Variants in LRMDA observed in about 807,000 individuals in gnomAD.
The protein encoded by LRMDA is leucine-rich melanocyte differentiation-associated protein.
Under a neutral mutation model 29.8 loss-of-function variants are expected in LRMDA, and 18 were observed. The ratio of observed to expected loss-of-function variants is 0.60; its 90% confidence interval spans 0.42 to 0.90. The LOEUF is 0.90. Among genes scored for constraint, LRMDA ranks in the 40% least tolerant of loss-of-function variants. LRMDA has a pLI of 0.00. For synonymous variants in LRMDA, 125 were observed against 109.4 expected (o/e 1.14, Z -0.89); for missense variants, 273 against 273.9 (o/e 1.00, Z 0.02).
intron 2 of LRMDA, among the ~76,000 whole-genome samples, chr10:75,698,755 A>T (rs1247056600): frequency 1.3e-5 from 2 of 152,088 alleles, no homozygotes; most frequent in African/African-American, 2.4e-5. Flanking sequence ...TTTTTTAAAA[A>T]CCCTCAAAAA....
intron 2 of LRMDA, among the ~76,000 whole-genome samples, chr10:76,028,623 A>C (rs1398252135): frequency 6.6e-6 from 1 of 152,084 alleles, no homozygotes; most frequent in East Asian, 1.9e-4. Context: ...CTGGCAAAAA[A>C]CAAAAACAAC....
chr10:76,199,355 G>C lies in LRMDA; in HGVS notation c.517-125046G>C, dbSNP rs1209252402. On this transcript the variant is annotated intron_variant, in intron 5 of 6. Transcript: ENST00000611255. ...TTTAAGGGCACAGGCTCTAGAGTTAGGCAACCTAGAGGAATTCCCGTTTCC... is the reference window on the plus strand; with the variant it reads ...TTTAAGGGCACAGGCTCTAGAGTTACGCAACCTAGAGGAATTCCCGTTTCC... 2.6e-5 allele frequency among the ~76,000 whole-genome samples: 4 copies of C among 152,282 alleles called. No homozygotes were observed. The East Asian group carries it at 7.7e-4, about 29-fold the overall frequency.
At chr10:76,307,381 T>C (rs1840570646) in intron 5 of LRMDA, among the ~76,000 whole-genome samples, 1 of 152,122 alleles carries the variant, frequency 6.6e-6, no homozygotes, top group South Asian at 2.1e-4. Flanking sequence ...ATGAGATGTT[T>C]TGAATGTCTG....
intron 2 of LRMDA, among the ~76,000 whole-genome samples, chr10:75,697,850 T>TGTGTGTGTGCGCGC (rs10664076): frequency 2.2e-4 from 34 of 151,704 alleles, no homozygotes; most frequent in African/African-American, 3.9e-4. Context: ...TGTGTGTGTG[T>TGTGTGTGTGCGCGC]GCGTGTGTGT....
intron 2 of LRMDA, among the ~76,000 whole-genome samples, chr10:75,766,367 C>T (rs1055676186): frequency 2.6e-5 from 4 of 152,102 alleles, no homozygotes; most frequent in Admixed American, 6.5e-5. Flanking sequence ...GTGCTTGGTA[C>T]ATAATACATG....
intron 5 of LRMDA, among the ~76,000 whole-genome samples, chr10:76,307,335 A>G (rs1158275860): frequency 6.6e-6 from 1 of 152,158 alleles, no homozygotes; most frequent in African/African-American, 2.4e-5. Flanking sequence ...GGATTGAGCC[A>G]CTGCATAATG....
intron 2 of LRMDA, among the ~76,000 whole-genome samples, chr10:75,879,061 A>G (rs1159035370): frequency 4.6e-5 from 7 of 152,210 alleles, no homozygotes; most frequent in Admixed American, 4.6e-4. Flanking sequence ...TCTGTTCCCC[A>G]GGTGACTCTG....
At chr10:75,776,996 C>T (rs1313375327) in intron 2 of LRMDA, among the ~76,000 whole-genome samples, 1 of 152,232 alleles carries the variant, frequency 6.6e-6, no homozygotes, top group Non-Finnish European at 1.5e-5. Flanking sequence ...GGGGCATTGC[C>T]CATGAGGGCT....
At chr10:75,602,973 G>T (rs937066451) in intron 2 of LRMDA, among the ~76,000 whole-genome samples, 1 of 152,202 alleles carries the variant, frequency 6.6e-6, no homozygotes, top group East Asian at 1.9e-4. Flanking sequence ...GGCTTTGATT[G>T]CTTCATAAAT....
At chr10:76,256,607 A>G (rs1852597992) in intron 5 of LRMDA, among the ~76,000 whole-genome samples, 1 of 152,194 alleles carries the variant, frequency 6.6e-6, no homozygotes, top group Non-Finnish European at 1.5e-5. Flanking sequence ...TGAACTGGCA[A>G]TTCAGGCAAT....
At chr10:76,142,798 G>A (rs1003450677) in intron 5 of LRMDA, among the ~76,000 whole-genome samples, 4 of 151,238 alleles carry the variant, frequency 2.6e-5, no homozygotes, top group African/African-American at 4.9e-5. Flanking sequence ...CCATTAACTC[G>A]TCATTTAGCA....
chr10:75,754,835 T>G (rs1398926557), intron 2 of LRMDA, among the ~76,000 whole-genome samples: 1 of 152,142 alleles, frequency 6.6e-6, no homozygotes, highest in Non-Finnish European at 1.5e-5. Context: ...CTTCTGAATG[T>G]TCTTACTGCA....
At chr10:75,804,528 A>C (rs1177400259) in intron 2 of LRMDA, among the ~76,000 whole-genome samples, 1 of 152,228 alleles carries the variant, frequency 6.6e-6, no homozygotes, top group African/African-American at 2.4e-5. Context: ...GACAGTGAAG[A>C]ATCTCTCTTG....
intron 5 of LRMDA, among the ~76,000 whole-genome samples, chr10:76,262,090 T>G (rs1839950707): frequency 6.6e-6 from 1 of 151,924 alleles, no homozygotes; most frequent in Non-Finnish European, 1.5e-5. Context: ...TAATAATAAA[T>G]TAATCAGATG....
At chr10:75,584,168 T>A (rs1209918213) in intron 2 of LRMDA, among the ~76,000 whole-genome samples, 1 of 152,102 alleles carries the variant, frequency 6.6e-6, no homozygotes, top group Non-Finnish European at 1.5e-5. Flanking sequence ...CTGCTCCCCA[T>A]AGGCCTTTTA....
At chr10:75,892,355 G>C (rs1845505952) in intron 2 of LRMDA, among the ~76,000 whole-genome samples, 1 of 152,136 alleles carries the variant, frequency 6.6e-6, no homozygotes. Context: ...CTCAGCCCAG[G>C]GAGCTCTGGG....
At chr10:75,534,480 A>G (rs1839920502) in intron 2 of LRMDA, among the ~76,000 whole-genome samples, 1 of 152,178 alleles carries the variant, frequency 6.6e-6, no homozygotes, top group South Asian at 2.1e-4. Context: ...GGGTGCATAT[A>G]TTTGGCAGGG....
At chr10:76,283,015 T>C (rs562260212) in intron 5 of LRMDA, among the ~76,000 whole-genome samples, 80 of 152,188 alleles carry the variant, frequency 5.3e-4, no homozygotes, top group Middle Eastern at 3.2e-3. Flanking sequence ...TCCTGGGATA[T>C]AGGGAACTGT....
intron 2 of LRMDA, among the ~76,000 whole-genome samples, chr10:76,024,060 C>T (rs1848021012): frequency 6.6e-6 from 1 of 152,194 alleles, no homozygotes; most frequent in Admixed American, 6.5e-5. Context: ...AAAACCAGGA[C>T]TTGAAAACAG....
Sources: allele counts gnomAD v4.1 joint callset (sites outside exome capture counted in the v4.1 genomes callset), GRCh38; gene constraint gnomAD v4.1.1; transcripts MANE v1.5; gene names NCBI Gene and HGNC (gene_info 2026-07-23, HGNC 2026-07-21).